The following NCKAP5 variants were observed in gnomAD, a reference collection of about 807,000 sequenced individuals.
NCKAP5 encodes the protein nck-associated protein 5.
Under a neutral mutation model 167.0 loss-of-function variants are expected in NCKAP5, and 92 were observed. That is an observed-to-expected ratio of 0.55 (90% CI 0.47 to 0.66). NCKAP5 has a LOEUF of 0.66. Ranked by LOEUF, NCKAP5 falls within the 30% of genes least tolerant of loss-of-function variation. The pLI, the probability that NCKAP5 is intolerant of heterozygous loss-of-function variation, is 0.00. For missense variants in NCKAP5, 2,378 were observed against 2,315.0 expected (o/e 1.03, Z -0.56); for synonymous variants, 891 against 877.4 (o/e 1.02, Z -0.27).
intron 16 of NCKAP5, among the ~76,000 whole-genome samples, chr2:132,739,742 A>G (rs1691852034): frequency 6.6e-6 from 1 of 152,158 alleles, no homozygotes; most frequent in Non-Finnish European, 1.5e-5. Context: ...TTTGGCAATC[A>G]TTTCCCTGGG....
chr2:133,290,306 A>G (rs1469567364), intron 4 of NCKAP5, among the ~76,000 whole-genome samples: 1 of 152,256 alleles, frequency 6.6e-6, no homozygotes, highest in African/African-American at 2.4e-5. Flanking sequence ...TTAAAAATCT[A>G]AAATTGCCTC....
chr2:133,195,022 T>C (rs2085378743), intron 5 of NCKAP5, among the ~76,000 whole-genome samples: 1 of 152,052 alleles, frequency 6.6e-6, no homozygotes, highest in Non-Finnish European at 1.5e-5. Flanking sequence ...TATAAGATGC[T>C]GAGTTTCTCC....
intron 3 of NCKAP5, among the ~76,000 whole-genome samples, chr2:133,465,128 A>G (rs1397247643): frequency 6.6e-6 from 1 of 150,822 alleles, no homozygotes; most frequent in Non-Finnish European, 1.5e-5. Context: ...ATCTAGCATT[A>G]GGTGTATCTC....
intron 12 of NCKAP5, among the ~76,000 whole-genome samples, chr2:132,796,280 T>C (rs918767286): frequency 6.6e-6 from 1 of 152,130 alleles, no homozygotes; most frequent in Non-Finnish European, 1.5e-5. Context: ...TTTTTAAAAG[T>C]TCATACATAA....
intron 4 of NCKAP5, among the ~76,000 whole-genome samples, chr2:133,232,910 A>T (rs1378520831): frequency 6.6e-6 from 1 of 152,334 alleles, no homozygotes; most frequent in East Asian, 1.9e-4. Context: ...CTTCTATATA[A>T]TCTGAGTGTA....
chr2:132,689,477 A>G (rs374676327), intron 19 of NCKAP5, among the ~76,000 whole-genome samples: 1 of 152,288 alleles, frequency 6.6e-6, no homozygotes, highest in South Asian at 2.1e-4. Context: ...CACTATTTTT[A>G]AGAAAAGAGC....
At chr2:132,775,302 T>C (rs1348686629) in intron 15 of NCKAP5, among the ~76,000 whole-genome samples, 1 of 152,254 alleles carries the variant, frequency 6.6e-6, no homozygotes, top group East Asian at 1.9e-4. Context: ...TAAGACCAAT[T>C]ATTTACATTT....
At chr2:133,519,923 C>T (rs539009579) in intron 2 of NCKAP5, among the ~76,000 whole-genome samples, 29 of 152,230 alleles carry the variant, frequency 1.9e-4, no homozygotes, top group African/African-American at 7.0e-4. Context: ...CACGGTGGCT[C>T]ACACCTGTCA....
chr2:133,366,160 A>G (rs1265777422), intron 3 of NCKAP5, among the ~76,000 whole-genome samples: 2 of 152,190 alleles, frequency 1.3e-5, no homozygotes, highest in African/African-American at 4.8e-5. Context: ...TTAATTTTGG[A>G]CAACCATTTT....
intron 5 of NCKAP5, among the ~76,000 whole-genome samples, chr2:133,211,741 C>T (rs192209817): frequency 3.9e-5 from 6 of 152,218 alleles, no homozygotes; most frequent in Admixed American, 1.3e-4. Flanking sequence ...TCAATACAAA[C>T]GTGTGATTTT....
intron 4 of NCKAP5, among the ~76,000 whole-genome samples, chr2:133,254,840 T>C (rs1574508925): frequency 1.3e-5 from 2 of 152,080 alleles, no homozygotes; most frequent in East Asian, 3.9e-4. Context: ...TCTAAAGAGT[T>C]GAAGAACTGG....
chr2:133,491,435 A>C (rs1370467821), intron 3 of NCKAP5, among the ~76,000 whole-genome samples: 1 of 152,188 alleles, frequency 6.6e-6, no homozygotes, highest in Admixed American at 6.5e-5. Context: ...TGTTGTGTGC[A>C]GAGAGGTCCA....
At chr2:133,391,763 C>G (rs1687427355) in intron 3 of NCKAP5, among the ~76,000 whole-genome samples, 2 of 152,156 alleles carry the variant, frequency 1.3e-5, no homozygotes. Context: ...TAATCTTCAC[C>G]AGAATTACCA....
At chr2:133,483,443 G>A (rs1288106225) in intron 3 of NCKAP5, among the ~76,000 whole-genome samples, 1 of 152,176 alleles carries the variant, frequency 6.6e-6, no homozygotes, top group Non-Finnish European at 1.5e-5. Context: ...CAAAAGCCAA[G>A]AAGATCATAA....
intron 6 of NCKAP5, among the ~76,000 whole-genome samples, chr2:133,079,791 C>T (rs75455323): frequency 6.6e-6 from 1 of 152,000 alleles, no homozygotes; most frequent in Non-Finnish European, 1.5e-5. Context: ...TTTCACCTAC[C>T]TTTTCACTTA....
intron 11 of NCKAP5, among the ~76,000 whole-genome samples, chr2:132,836,743 C>A (rs772145595): frequency 7.2e-5 from 11 of 152,194 alleles, no homozygotes; most frequent in Non-Finnish European, 1.6e-4. Context: ...CATTCTTATG[C>A]CATACTATAA....
chr2:132,902,448 G>A (rs968821662), intron 8 of NCKAP5, among the ~76,000 whole-genome samples: 3 of 152,172 alleles, frequency 2.0e-5, no homozygotes, highest in Admixed American at 1.3e-4. Flanking sequence ...TGGTTTCCAC[G>A]TGTGTTGCCT....
chr2:133,204,945 T>C (rs2150136641), intron 5 of NCKAP5, among the ~76,000 whole-genome samples: 1 of 152,270 alleles, frequency 6.6e-6, no homozygotes, highest in South Asian at 2.1e-4. Flanking sequence ...CAAAATTTAC[T>C]TTTGGCCATG....
At chr2:133,299,675 A>G (rs1680230464) in intron 4 of NCKAP5, among the ~76,000 whole-genome samples, 1 of 152,100 alleles carries the variant, frequency 6.6e-6, no homozygotes, top group South Asian at 2.1e-4. Context: ...TGCTTGAACC[A>G]GGGAGGTGGA....
Sources: gnomAD v4.1 joint callset for allele counts (sites outside exome capture counted in the v4.1 genomes callset) on GRCh38, gnomAD v4.1.1 for gene constraint, MANE v1.5 for transcripts, NCBI Gene and HGNC (gene_info 2026-07-23, HGNC 2026-07-21) for gene names.